Variants in TTC39C observed in about 807,000 individuals in gnomAD.
TTC39C encodes the protein tetratricopeptide repeat domain 39C, also known as tetratricopeptide repeat protein 39C.
Under a neutral mutation model 76.3 loss-of-function variants are expected in TTC39C, and 33 were observed. The observed-to-expected ratio is 0.43, with a 90% CI of 0.33 to 0.58. The LOEUF is 0.58. Ranked by LOEUF, TTC39C falls within the 20% of genes least tolerant of loss-of-function variation. The pLI is 0.04. For missense variants in TTC39C, 595 were observed against 701.4 expected, an observed-to-expected ratio of 0.85 and a Z score of 1.71; for synonymous variants, 254 against 260.6, an observed-to-expected ratio of 0.97 and a Z score of 0.24.
chr18:24,098,691 G>A, intron 6 of TTC39C, among the ~76,000 whole-genome samples: 1 of 151,192 alleles, frequency 6.6e-6, no homozygotes. Flanking sequence ...GGAGTGCAGT[G>A]GTGCGTTCTT....
At chr18:23,994,157 T>C (rs1463319028) in intron 1 of TTC39C, 1 of 152,198 alleles carries the variant, frequency 6.6e-6, no homozygotes, top group African/African-American at 2.4e-5. Flanking sequence ...ATTATTTTCA[T>C]TATTATTCCT....
At chr18:24,104,964 T>C (rs17187445) in intron 6 of TTC39C, among the ~76,000 whole-genome samples, 15,450 of 151,386 alleles carry the variant, frequency 0.1, 1,733 homozygotes, top group African/African-American at 0.27. Context: ...CAAAACATAT[T>C]AAGAAAAAGA....
At chr18:24,076,920 G>T (rs1011766289) in intron 4 of TTC39C, 3 of 152,138 alleles carry the variant, frequency 2.0e-5, no homozygotes, top group Admixed American at 6.5e-5. Flanking sequence ...GTGTTTTATT[G>T]ATTTAGTTCC....
chr18:24,111,958 C>T (rs1175779675), intron 6 of TTC39C, among the ~76,000 whole-genome samples: 5 of 150,880 alleles, frequency 3.3e-5, no homozygotes, highest in African/African-American at 1.2e-4. Context: ...AAATTTATTT[C>T]AACTGTGTTA....
rs1450302883 is a variant in TTC39C at position 24,047,968 on chromosome 18, T to C, written c.168-16172T>C. Among the ~76,000 whole-genome samples, 3 of 152,210 alleles carry C rather than the reference T, an allele frequency of 2.0e-5. No individual in the cohort carries two copies. The East Asian group carries it at 5.8e-4, about 29-fold the overall frequency. Reference sequence around the variant, plus strand: ...AATTAAAAATTAAACATTAAAAAAGTATATGAAAGAAGGAACACTGTCTTA... The same window carrying C: ...AATTAAAAATTAAACATTAAAAAAGCATATGAAAGAAGGAACACTGTCTTA... On this transcript the variant is annotated intron_variant, in intron 1 of 13. Transcript: ENST00000317571.
chr18:24,111,916 TATA>T (rs770448764), intron 6 of TTC39C, among the ~76,000 whole-genome samples: 1,104 of 108,262 alleles, frequency 0.01, 5 homozygotes, highest in Middle Eastern at 0.018. Context: ...AATATATATA[TATA>T]TATATTTTTT....
intron 1 of TTC39C, among the ~76,000 whole-genome samples, chr18:24,043,930 G>C (rs2083829255): frequency 6.6e-6 from 1 of 152,166 alleles, no homozygotes; most frequent in South Asian, 2.1e-4. Context: ...CATTGCACAG[G>C]CAGGACAGCA....
At chr18:24,038,706 TTTTC>T (rs1201218217) in intron 1 of TTC39C, among the ~76,000 whole-genome samples, 1 of 152,120 alleles carries the variant, frequency 6.6e-6, no homozygotes, top group East Asian at 1.9e-4. Flanking sequence ...CAGAAATGTG[TTTTC>T]TCACAGTTCT....
intron 6 of TTC39C, chr18:24,113,739 G>A: frequency 1.4e-6 from 1 of 699,624 alleles, no homozygotes; most frequent in East Asian, 2.7e-5. Flanking sequence ...CTTTTGAGCT[G>A]CTCCTCTTGG....
At chr18:24,063,266 G>C (rs562948426) in intron 1 of TTC39C, among the ~76,000 whole-genome samples, 1 of 152,198 alleles carries the variant, frequency 6.6e-6, no homozygotes, top group South Asian at 2.1e-4. Context: ...ATTACAAGGG[G>C]GGAATGGCTG....
chr18:24,041,607 C>T (rs372218617), intron 1 of TTC39C, among the ~76,000 whole-genome samples: 136 of 152,260 alleles, frequency 8.9e-4, no homozygotes, highest in Non-Finnish European at 1.3e-3. Context: ...TTTTAGGGAC[C>T]GCTTTCCTCT....
chr18:24,062,605 A>G (rs1420298537), intron 1 of TTC39C, among the ~76,000 whole-genome samples: 2 of 145,602 alleles, frequency 1.4e-5, no homozygotes, highest in Non-Finnish European at 3.0e-5. Flanking sequence ...CTCACAAGGG[A>G]ATTGACCCCC....
chr18:24,070,933 G>GT (rs1223346620), intron 4 of TTC39C, among the ~76,000 whole-genome samples: 1 of 151,976 alleles, frequency 6.6e-6, no homozygotes, highest in East Asian at 1.9e-4. Context: ...GAACTTTTTT[G>GT]TTTTTTGTTT....
intron 6 of TTC39C, among the ~76,000 whole-genome samples, chr18:24,107,552 A>G (rs2084760535): frequency 6.6e-6 from 1 of 152,066 alleles, no homozygotes; most frequent in South Asian, 2.1e-4. Flanking sequence ...TGATGGTTTT[A>G]TAAGGGGCTT....
chr18:24,037,882 G>C (rs2083750159), intron 1 of TTC39C, among the ~76,000 whole-genome samples: 1 of 152,176 alleles, frequency 6.6e-6, no homozygotes, highest in Admixed American at 6.5e-5. Context: ...CATGGATCAG[G>C]TCAGGAGAAA....
intron 1 of TTC39C, among the ~76,000 whole-genome samples, chr18:24,016,447 A>G (rs899430778): frequency 6.6e-6 from 1 of 152,204 alleles, no homozygotes; most frequent in Non-Finnish European, 1.5e-5. Flanking sequence ...TTTGTGTCGT[A>G]TGAGAGAAGG....
At chr18:24,050,023 T>C (rs1034203333) in intron 1 of TTC39C, among the ~76,000 whole-genome samples, 5 of 152,162 alleles carry the variant, frequency 3.3e-5, no homozygotes, top group Admixed American at 1.3e-4. Context: ...TCATTTGGCT[T>C]TCTCTCTCTT....
chr18:23,997,849 G>A (rs940282751), intron 1 of TTC39C, among the ~76,000 whole-genome samples: 3 of 151,556 alleles, frequency 2.0e-5, no homozygotes, highest in African/African-American at 7.3e-5. Context: ...ATTCCCACCT[G>A]GGTGACAGAG....
chr18:24,016,655 G>A (rs2083457657), intron 1 of TTC39C: 1 of 398,410 alleles, frequency 2.5e-6, no homozygotes, highest in Admixed American at 4.4e-5. Context: ...TTTATGCACT[G>A]TTAATAGAAG....
Sources: gnomAD v4.1 joint callset for allele counts (sites outside exome capture counted in the v4.1 genomes callset) on GRCh38, gnomAD v4.1.1 for gene constraint, MANE v1.5 for transcripts, NCBI Gene and HGNC (gene_info 2026-07-23, HGNC 2026-07-21) for gene names.